Variants in AGPS observed in about 807,000 individuals in gnomAD.
AGPS encodes the protein alkyldihydroxyacetonephosphate synthase, peroxisomal.
A neutral mutation model predicts 90.7 loss-of-function variants in AGPS; 26 were observed. The observed-to-expected ratio is 0.29, with a 90% CI of 0.21 to 0.40. AGPS has a LOEUF of 0.40. Ranked by LOEUF, AGPS falls within the 10% of genes least tolerant of loss-of-function variation. The probability of loss-of-function intolerance (pLI) is 1.00; values close to 1 mark genes in which losing one functional copy is unlikely to be tolerated. For synonymous variants in AGPS, 294 were observed against 285.3 expected (o/e 1.03, Z -0.31); for missense variants, 540 against 816.1 (o/e 0.66, Z 4.12).
intron 19 of AGPS, among the ~76,000 whole-genome samples, chr2:177,526,655 T>C (rs2105737584): frequency 6.6e-6 from 1 of 152,354 alleles, no homozygotes; most frequent in African/African-American, 2.4e-5. Flanking sequence ...TAAAATATTA[T>C]ACCATTTCAA....
chr2:177,470,094 A>T (rs749426886), intron 10 of AGPS, among the ~76,000 whole-genome samples: 3 of 152,182 alleles, frequency 2.0e-5, no homozygotes, highest in Admixed American at 6.5e-5. Context: ...AAGACAGAAG[A>T]GGGGAGTTGC....
chr2:177,399,529 C>A (rs573780992), intron 1 of AGPS, among the ~76,000 whole-genome samples: 3 of 152,078 alleles, frequency 2.0e-5, no homozygotes, highest in Non-Finnish European at 4.4e-5. Flanking sequence ...GGTTGGAGAT[C>A]GTGGCTTAGA....
chr2:177,398,912 A>G (rs1685257604), intron 1 of AGPS, among the ~76,000 whole-genome samples: 1 of 152,174 alleles, frequency 6.6e-6, no homozygotes, highest in Non-Finnish European at 1.5e-5. Context: ...AAAAGAGAAT[A>G]GGTCATGGAG....
intron 11 of AGPS, among the ~76,000 whole-genome samples, chr2:177,483,565 C>T (rs1425217614): frequency 6.6e-6 from 1 of 152,104 alleles, no homozygotes; most frequent in African/African-American, 2.4e-5. Flanking sequence ...AATAAGCATT[C>T]TTGGACTTGT....
intron 9 of AGPS, among the ~76,000 whole-genome samples, chr2:177,466,601 C>T (rs1212496219): frequency 1.3e-5 from 2 of 152,248 alleles, no homozygotes; most frequent in African/African-American, 2.4e-5. Context: ...AGCACTTATC[C>T]TCCCTTCTGT....
In AGPS at chr2:177,516,924, C is replaced by CT. The variant is rs543946271; in HGVS notation, c.1697+3024dup. ...CTTAAAATGTAAATATTCAAGGGAT[C>CT]TTTTTTTTATGAGGGTGAATTAACA... On this transcript the variant is annotated intron_variant, in intron 17 of 19. Coordinates refer to ENST00000264167, the MANE Select transcript of AGPS (RefSeq NM_003659.4). 1.5e-4 allele frequency among the ~76,000 whole-genome samples: 23 copies of CT among 151,904 alleles called. No individual in the cohort carries two copies. In the East Asian group the frequency reaches 4.1e-3, roughly 27 times the overall value.
chr2:177,398,599 A>C (rs192565582), intron 1 of AGPS, among the ~76,000 whole-genome samples: 2 of 152,356 alleles, frequency 1.3e-5, no homozygotes, highest in African/African-American at 2.4e-5. Flanking sequence ...CTTACTATTC[A>C]TCAAGTTGCT....
chr2:177,528,849 C>CTTTTTTTTTTTTTTTTTTT (rs71008000), intron 19 of AGPS, among the ~76,000 whole-genome samples: 1 of 79,142 alleles, frequency 1.3e-5, no homozygotes, highest in Admixed American at 1.9e-4. Flanking sequence ...CATATTAATC[C>CTTTTTTTTTTTTTTTTTTT]TTTTTTTTTT....
intron 1 of AGPS, among the ~76,000 whole-genome samples, chr2:177,411,913 A>C (rs1413595060): frequency 6.6e-6 from 1 of 152,026 alleles, no homozygotes; most frequent in Non-Finnish European, 1.5e-5. Flanking sequence ...AAATCGGGGG[A>C]GGAGAGCATC....
intron 17 of AGPS, among the ~76,000 whole-genome samples, chr2:177,517,616 C>T (rs1455993878): frequency 6.6e-6 from 1 of 151,944 alleles, no homozygotes; most frequent in African/African-American, 2.4e-5. Flanking sequence ...GGAGATGGGC[C>T]AATTGGAAAA....
intron 7 of AGPS, among the ~76,000 whole-genome samples, 160 bp from the exon 8 acceptor site, chr2:177,445,386 T>A (rs1243876982): frequency 6.6e-6 from 1 of 152,244 alleles, no homozygotes; most frequent in Non-Finnish European, 1.5e-5. Context: ...TGTTGTATAG[T>A]CTGGGATAAG....
chr2:177,407,081 T>C (rs1047300994), intron 1 of AGPS, among the ~76,000 whole-genome samples: 1 of 152,352 alleles, frequency 6.6e-6, no homozygotes. Flanking sequence ...ATCCTAGCTG[T>C]ATCATGTACT....
intron 19 of AGPS, among the ~76,000 whole-genome samples, chr2:177,530,224 T>A (rs1574036744): frequency 6.6e-6 from 1 of 152,200 alleles, no homozygotes; most frequent in Admixed American, 6.5e-5. Flanking sequence ...ACAATCAGCA[T>A]GAAAGAAAAA....
rs1009949342 is a variant in AGPS at position 177,507,992 on chromosome 2, T to G, written c.1568T>G (p.Val523Gly). ...TAGGACTTGGCTTTGGAATACTATGTATTAGGAGAATCTTTTGAGACTTCT... is the reference window on the plus strand; with the variant it reads ...TAGGACTTGGCTTTGGAATACTATGGATTAGGAGAATCTTTTGAGACTTCT... ...YIRDLALEYY[V>G]LGESFETSAP... The change falls in exon 16 of 20, where the codon GTA becomes GGA. Residue 523 changes from valine to glycine, a missense_variant. By Grantham distance (109) the Val-to-Gly change is moderately radical. Coordinates refer to ENST00000264167, the MANE Select transcript of AGPS (RefSeq NM_003659.4). The G allele has an allele frequency of 6.2e-7, 1 of 1,613,046 alleles. No homozygotes were observed. Among genetic ancestry groups the G allele is most frequent in the Non-Finnish European group, 8.5e-7 (1 of 1,179,204 alleles).
intron 8 of AGPS, among the ~76,000 whole-genome samples, chr2:177,455,605 T>C (rs1687089156): frequency 6.6e-6 from 1 of 152,064 alleles, no homozygotes; most frequent in Non-Finnish European, 1.5e-5. Context: ...GTTTCTTCTA[T>C]TTTTCTGTGT....
chr2:177,407,673 CATG>C (rs1685504814), intron 1 of AGPS, among the ~76,000 whole-genome samples: 1 of 151,984 alleles, frequency 6.6e-6, no homozygotes, highest in African/African-American at 2.4e-5. Context: ...TGCAATTTAA[CATG>C]ATATTTGGGC....
At chr2:177,487,506 T>C (rs945060188) in intron 11 of AGPS, among the ~76,000 whole-genome samples, 1 of 152,118 alleles carries the variant, frequency 6.6e-6, no homozygotes, top group African/African-American at 2.4e-5. Flanking sequence ...AGATTATAAT[T>C]TGGGAAGACA....
chr2:177,446,046 C>G (rs1037346753), intron 8 of AGPS, among the ~76,000 whole-genome samples: 6 of 151,794 alleles, frequency 4.0e-5, no homozygotes, highest in African/African-American at 1.5e-4. Flanking sequence ...GCAAAGGACA[C>G]AGCATTTAAA....
At chr2:177,460,996 A>ATATAT (rs1687275816) in intron 8 of AGPS, among the ~76,000 whole-genome samples, 1 of 152,258 alleles carries the variant, frequency 6.6e-6, no homozygotes, top group Admixed American at 6.5e-5. Flanking sequence ...ACCATACTTA[A>ATATAT]ATACAAATAT....
Sources: gnomAD v4.1 joint callset for allele counts (sites outside exome capture counted in the v4.1 genomes callset) on GRCh38, gnomAD v4.1.1 for gene constraint, MANE v1.5 for transcripts, NCBI Gene and HGNC (gene_info 2026-07-23, HGNC 2026-07-21) for gene names.